PROSER2: variants seen among roughly 807,000 people sequenced by gnomAD.
PROSER2 encodes the protein proline and serine rich 2, also known as proline and serine-rich protein 2.
PROSER2 carries 18 observed loss-of-function variants against 14.6 expected under a neutral mutation model. The ratio of observed to expected loss-of-function variants is 1.23; its 90% confidence interval spans 0.85 to 1.83. The LOEUF (loss-of-function observed/expected upper bound fraction) is 1.83. Among genes scored for constraint, PROSER2 ranks in the 40% most tolerant of loss-of-function variants. The probability of loss-of-function intolerance (pLI) is 0.00; values close to 1 mark genes in which losing one functional copy is unlikely to be tolerated. For missense variants in PROSER2, 823 were observed against 629.8 expected, an observed-to-expected ratio of 1.31 and a Z score of -3.28; for synonymous variants, 367 against 286.4, an observed-to-expected ratio of 1.28 and a Z score of -2.84.
chr10:11,847,399 CTGTTTTGT>C (rs1833938864), intron 1 of PROSER2, among the ~76,000 whole-genome samples: 1 of 152,060 alleles, frequency 6.6e-6, no homozygotes, highest in Admixed American at 6.6e-5. Flanking sequence ...AGTCCTTATT[CTGTTTTGT>C]TGTTTTGTTT....
intron 1 of PROSER2, among the ~76,000 whole-genome samples, chr10:11,825,814 G>A (rs1044221053): frequency 6.6e-6 from 1 of 152,160 alleles, no homozygotes; most frequent in African/African-American, 2.4e-5. Context: ...GTGTCTCTTC[G>A]GACTAGGTAT....
At chr10:11,832,255 C>G (rs1833698955) in intron 1 of PROSER2, among the ~76,000 whole-genome samples, 1 of 152,186 alleles carries the variant, frequency 6.6e-6, no homozygotes, top group Non-Finnish European at 1.5e-5. Flanking sequence ...CTGGATCTTT[C>G]TTTGATCTTC....
At chr10:11,851,856 T>G in intron 1 of PROSER2, 141 bp from the exon 2 acceptor site, 1 of 388,404 alleles carries the variant, frequency 2.6e-6, no homozygotes, top group Non-Finnish European at 4.5e-6. Flanking sequence ...CTCAAACTGG[T>G]TGACTTAGCG....
At position 11,856,576 on chromosome 10, in the gene PROSER2, G is replaced by T. The variant is rs1038876575; in HGVS notation, c.138+4361G>T. ...TTATTTGTTTTTACCTCTGGCTTGG[G>T]CAGAAACAGTGATCCAAATTTATGA... On this transcript the variant is annotated intron_variant, in intron 2 of 3. Transcript: ENST00000277570. This position sits in a 1 kb window ranked among gnomAD's most constrained non-coding sequence, Gnocchi z 5.3. Among the ~76,000 whole-genome samples the T allele has an allele frequency of 6.6e-6, 1 of 152,226 alleles. No individual in the cohort carries two copies. The highest frequency in any genetic ancestry group is 6.5e-5 in the Admixed American group (1 of 15,280).
chr10:11,870,313 G>T lies in PROSER2; in HGVS notation c.1215G>T (p.Gln405His). The change falls in exon 4 of 4, where the codon CAG becomes CAT. Residue 405 changes from glutamine (Q) to histidine (H), a missense_variant. Transcript: ENST00000277570. Reference protein sequence around the residue: ...WRRADSLPRPQGITVQFAGRG... With the variant: ...WRRADSLPRPHGITVQFAGRG... ...GCGCAGACTCCCTGCCCCGGCCCCA[G>T]GGCATCACCGTGCAGTTCGCGGGCC... The T allele has an allele frequency of 6.7e-7, 1 of 1,498,096 alleles. No homozygotes were observed. The highest frequency in any genetic ancestry group is 2.8e-5 in the East Asian group (1 of 36,034). The allele number at this position is 1,498,096 out of a possible 1,614,324, so 92.8% of individuals were successfully genotyped here.
At position 11,869,249 on chromosome 10, in the gene PROSER2, GGACTGTCT is replaced by G; in HGVS notation, c.392-236_392-229del. On this transcript the variant is annotated intron_variant, in intron 3 of 3. Transcript: ENST00000277570. The surrounding 1 kb of genome is among the most constrained non-coding windows in gnomAD (Gnocchi z 4.4). ...CATGGACGGAATGTCTCCTAGGTGT[GGACTGTCT>G]GACTTGCAGGGCTATCGTGATTGTC... The G allele has an allele frequency of 1.7e-6, 1 of 582,644 alleles. No individual in the cohort carries two copies. Among genetic ancestry groups the G allele is most frequent in the Non-Finnish European group, 3.1e-6 (1 of 326,240 alleles). 36.1% of individuals were successfully genotyped at this position (582,644 alleles called of 1,614,324 possible).
At chr10:11,858,143 T>C (rs1259714552) in intron 2 of PROSER2, among the ~76,000 whole-genome samples, 12 of 152,262 alleles carry the variant, frequency 7.9e-5, no homozygotes, top group Non-Finnish European at 5.9e-5. Flanking sequence ...TTCACCATGT[T>C]GGCCAGGCTG....
rs181319616 is a variant in PROSER2, at chr10:11,833,408, C to T, written c.-82+9938C>T. ...AATTTTTTTAATTAAAAAGCTTTGC[C>T]GGCTGGGTGTGGTGGCTCACACCGG... is the stretch of plus-strand genomic sequence containing the variant. On this transcript the variant is annotated intron_variant, in intron 1 of 3. Transcript: ENST00000277570. 5.5e-3 allele frequency among the ~76,000 whole-genome samples: 833 copies of T among 151,330 alleles called. 8 individuals are homozygous for T. The highest frequency in any genetic ancestry group is 0.024 in the South Asian group (113 of 4,734).
chr10:11,867,213 C>T (rs1224466956), intron 3 of PROSER2, among the ~76,000 whole-genome samples: 6 of 130,788 alleles, frequency 4.6e-5, no homozygotes, highest in Admixed American at 2.8e-4. Flanking sequence ...TGCAGTGAGC[C>T]GAGATTGTGC....
rs566462095 is a variant in PROSER2 at position 11,856,472 on chromosome 10, C to T, written c.138+4257C>T. Reference sequence around the variant, plus strand: ...CGGAAAGGGCGGAGAGCTCTGCACTCGCATGGTTCTCAAGGAGTGGAGCTG... The same window carrying T: ...CGGAAAGGGCGGAGAGCTCTGCACTTGCATGGTTCTCAAGGAGTGGAGCTG... On this transcript the variant is annotated intron_variant, in intron 2 of 3. Coordinates refer to ENST00000277570, the MANE Select transcript of PROSER2 (RefSeq NM_153256.4). This position sits in a 1 kb window ranked among gnomAD's most constrained non-coding sequence, Gnocchi z 5.3. 5.1e-4 allele frequency among the ~76,000 whole-genome samples: 77 copies of T among 152,322 alleles called. No homozygotes were observed. The highest frequency in any genetic ancestry group is 1.8e-3 in the African/African-American group (74 of 41,582).
rs1182785334 is a variant in PROSER2, at chr10:11,837,843, G to A, written c.-81-14154G>A. Among the ~76,000 whole-genome samples the A allele has an allele frequency of 6.7e-6, 1 of 149,128 alleles. No homozygotes were observed. Among genetic ancestry groups the A allele is most frequent in the African/African-American group, 2.6e-5 (1 of 38,586 alleles). On this transcript the variant is annotated intron_variant, in intron 1 of 3. Transcript: ENST00000277570. The surrounding 1 kb of genome is among the most constrained non-coding windows in gnomAD (Gnocchi z 4.6). ...AAGTGCGTTGGGTTAACCGTTCCCT[G>A]GTTAGTTTTGAGCTGAACTGTGATG...
chr10:11,859,482 CTTCTTCTACCT>C lies in PROSER2; in HGVS notation c.139-7044_139-7034del, dbSNP rs376987238. On this transcript the variant is annotated intron_variant, in intron 2 of 3. Coordinates refer to ENST00000277570, the MANE Select transcript of PROSER2 (RefSeq NM_153256.4). ...GGGAATTTACTTTTCTGCTGTCCGC[CTTCTTCTACCT>C]TTCTAACTAATAGGGACAAACTTAA... is the stretch of plus-strand genomic sequence containing the variant. 1.2e-4 allele frequency among the ~76,000 whole-genome samples: 19 copies of C among 152,278 alleles called. No homozygotes were observed. The East Asian group carries it at 3.7e-3, about 29-fold the overall frequency.
intron 1 of PROSER2, among the ~76,000 whole-genome samples, chr10:11,844,292 C>A (rs1833894479): frequency 6.6e-6 from 1 of 152,096 alleles, no homozygotes; most frequent in Admixed American, 6.6e-5. Flanking sequence ...CACCCAGCCA[C>A]TTTGAATATT....
rs1296726789 is a variant in PROSER2 at position 11,865,169 on chromosome 10, C to T, written c.139-1362C>T. ...GAACTCTCATTATTCACATAGTGGC[C>T]CTCCCAGATCCATCCTTTGATTTTC... On this transcript the variant is annotated intron_variant, in intron 2 of 3. Coordinates refer to ENST00000277570, the MANE Select transcript of PROSER2 (RefSeq NM_153256.4). This position sits in a 1 kb window ranked among gnomAD's most constrained non-coding sequence, Gnocchi z 4.2. Among the ~76,000 whole-genome samples, 1 of 151,870 alleles carries T rather than the reference C, an allele frequency of 6.6e-6. No homozygotes were observed. The highest frequency in any genetic ancestry group is 2.1e-4 in the South Asian group (1 of 4,800).
Position 11,870,449 on chromosome 10 carries a change from A to C in PROSER2, c.*43A>C. On this transcript the variant is annotated 3_prime_UTR_variant, in exon 4 of 4. Transcript: ENST00000277570. ...GTCCACCCCGTTTCTCCCCACCCTG[A>C]AGAGAGGGTGAAAGAGTCGCTGCAC... 1 of 1,387,816 alleles carries C rather than the reference A, an allele frequency of 7.2e-7. No homozygotes were observed. Among genetic ancestry groups the C allele is most frequent in the Non-Finnish European group, 9.4e-7 (1 of 1,059,566 alleles). The allele number at this position is 1,387,816 out of a possible 1,614,324, so 86.0% of individuals were successfully genotyped here. A position where few individuals can be genotyped will look rare whatever the true frequency, so the allele number is the denominator to read the frequency against.
chr10:11,864,165 G>A (rs1210580372), intron 2 of PROSER2, among the ~76,000 whole-genome samples: 2 of 152,120 alleles, frequency 1.3e-5, no homozygotes, highest in African/African-American at 2.4e-5. Flanking sequence ...TTATTCTTCC[G>A]TAGTTCTAAT....
Position 11,870,733 on chromosome 10 carries a change from A to T in PROSER2, c.*327A>T, listed in dbSNP as rs1425683125. ...TAAATGCCATCTTTTGGGGGTTGGG[A>T]GGAGTAGGACTGGTCTGATTATCAT... On this transcript the variant is annotated 3_prime_UTR_variant, in exon 4 of 4. Transcript: ENST00000277570. 1.9e-5 allele frequency: 5 copies of T among 257,398 alleles called. No individual in the cohort carries two copies. Among genetic ancestry groups the T allele is most frequent in the African/African-American group, 1.1e-4 (5 of 44,390 alleles). 15.9% of individuals were successfully genotyped at this position (257,398 alleles called of 1,614,324 possible).
At chr10:11,868,491 C>T (rs956755780) in intron 3 of PROSER2, among the ~76,000 whole-genome samples, 6 of 151,912 alleles carry the variant, frequency 3.9e-5, no homozygotes, top group South Asian at 2.1e-4. Context: ...AGGCTGGTCT[C>T]GAACTCTTGG....
intron 2 of PROSER2, chr10:11,863,178 T>C (rs1282886855): frequency 2.0e-5 from 3 of 152,214 alleles, no homozygotes; most frequent in African/African-American, 7.2e-5. Flanking sequence ...AATTTGCATG[T>C]GTTCTTGTGT....
Sources: gnomAD v4.1 joint callset for allele counts (sites outside exome capture counted in the v4.1 genomes callset) on GRCh38, gnomAD v4.1.1 for gene constraint, Gnocchi (gnomAD v3.1) non-coding constraint, MANE v1.5 for transcripts, NCBI Gene and HGNC (gene_info 2026-07-23, HGNC 2026-07-21) for gene names.